RORB: variants seen among roughly 807,000 people sequenced by gnomAD.
RORB encodes the protein RAR related orphan receptor B.
Under a neutral mutation model 59.1 loss-of-function variants are expected in RORB, and 6 were observed. That is an observed-to-expected ratio of 0.10 (90% confidence interval 0.06 to 0.20). The LOEUF (loss-of-function observed/expected upper bound fraction) is 0.20, where lower values mean the gene tolerates loss of function less well. Ranked by LOEUF, RORB falls within the 10% of genes least tolerant of loss-of-function variation. The pLI is 1.00. For synonymous variants in RORB, 215 were observed against 204.5 expected, an observed-to-expected ratio of 1.05 and a Z score of -0.44; for missense variants, 320 against 560.5, an observed-to-expected ratio of 0.57 and a Z score of 4.33.
chr9:74,622,178 T>C (rs1386501386), intron 1 of RORB, among the ~76,000 whole-genome samples: 1 of 152,180 alleles, frequency 6.6e-6, no homozygotes, highest in Non-Finnish European at 1.5e-5. Context: ...TCAGTGAAGG[T>C]GATGCTGTGT....
At chr9:74,680,318 G>A (rs1249985526) in intron 9 of RORB, among the ~76,000 whole-genome samples, 3 of 152,162 alleles carry the variant, frequency 2.0e-5, no homozygotes, top group Non-Finnish European at 2.9e-5. Flanking sequence ...TGTCCCTGTA[G>A]GTATCTACTT....
chr9:74,547,129 TG>T (rs1563933797), intron 1 of RORB, among the ~76,000 whole-genome samples: 1 of 152,104 alleles, frequency 6.6e-6, no homozygotes, highest in Non-Finnish European at 1.5e-5. Flanking sequence ...TGGTTTTTTT[TG>T]TTATCAGAGG....
At chr9:74,584,811 G>C (rs1043659260) in intron 1 of RORB, among the ~76,000 whole-genome samples, 1 of 152,356 alleles carries the variant, frequency 6.6e-6, no homozygotes, top group East Asian at 1.9e-4. Flanking sequence ...AAGGGAGGCA[G>C]GAGCCACAGA....
chr9:74,592,492 G>A (rs1822914237), intron 1 of RORB, among the ~76,000 whole-genome samples: 1 of 152,126 alleles, frequency 6.6e-6, no homozygotes, highest in Non-Finnish European at 1.5e-5. Flanking sequence ...ACCACCCATT[G>A]CCTCGAAATA....
intron 1 of RORB, among the ~76,000 whole-genome samples, chr9:74,629,843 C>A (rs1823586621): frequency 6.6e-6 from 1 of 152,162 alleles, no homozygotes; most frequent in Admixed American, 6.5e-5. Flanking sequence ...TGCTCCCTCC[C>A]AGAGTTTTGC....
chr9:74,551,414 G>C (rs959524416), intron 1 of RORB, among the ~76,000 whole-genome samples: 10 of 152,190 alleles, frequency 6.6e-5, no homozygotes, highest in Middle Eastern at 3.2e-3. Flanking sequence ...CACCAGGTCA[G>C]CTACTAAGTG....
intron 1 of RORB, among the ~76,000 whole-genome samples, chr9:74,595,590 G>C (rs974274326): frequency 2.0e-5 from 3 of 152,306 alleles, no homozygotes; most frequent in African/African-American, 7.2e-5. Context: ...ATTTCAGGTG[G>C]AGCAATTGAA....
intron 1 of RORB, among the ~76,000 whole-genome samples, chr9:74,503,745 C>A (rs556749994): frequency 6.6e-6 from 1 of 152,000 alleles, no homozygotes; most frequent in South Asian, 2.1e-4. Flanking sequence ...CTTTGTAGCG[C>A]AAGACAAAGG....
At chr9:74,654,176 ACT>A (rs1423467752) in intron 4 of RORB, among the ~76,000 whole-genome samples, 2 of 151,938 alleles carry the variant, frequency 1.3e-5, no homozygotes, top group African/African-American at 2.4e-5. Flanking sequence ...ACCTTTTAAA[ACT>A]CTATTTACTT....
chr9:74,600,694 TAAC>T (rs1823041675), intron 1 of RORB, among the ~76,000 whole-genome samples: 1 of 152,212 alleles, frequency 6.6e-6, no homozygotes, highest in Admixed American at 6.5e-5. Context: ...GTTTTAGAGT[TAAC>T]AACATTAATA....
chr9:74,659,370 G>A (rs1046282835), intron 4 of RORB, among the ~76,000 whole-genome samples: 1 of 152,160 alleles, frequency 6.6e-6, no homozygotes. Context: ...ATTTGAAATG[G>A]CGCAACCTGA....
chr9:74,682,926 A>G (rs1214551528), intron 9 of RORB, among the ~76,000 whole-genome samples: 1 of 152,136 alleles, frequency 6.6e-6, no homozygotes, highest in Non-Finnish European at 1.5e-5. Context: ...TTGTAAATTT[A>G]TAAAATTTGA....
intron 1 of RORB, among the ~76,000 whole-genome samples, chr9:74,563,358 G>A (rs946745027): frequency 6.6e-6 from 1 of 151,794 alleles, no homozygotes; most frequent in Admixed American, 6.6e-5. Context: ...ACTAATTTTT[G>A]TATTTTTAGA....
At chr9:74,508,153 C>T (rs1328632148) in intron 1 of RORB, among the ~76,000 whole-genome samples, 1 of 151,892 alleles carries the variant, frequency 6.6e-6, no homozygotes, top group Non-Finnish European at 1.5e-5. Context: ...TGCATATATA[C>T]TTTCATTCTT....
At chr9:74,660,575 A>C (rs756057990) in intron 4 of RORB, 42 bp from the exon 5 acceptor site, 8 of 1,578,558 alleles carry the variant, frequency 5.1e-6, no homozygotes, top group Non-Finnish European at 6.9e-6. Flanking sequence ...TGAGCAGAGT[A>C]ATTTTATTCA....
chr9:74,506,072 T>A (rs1554663037), intron 1 of RORB, among the ~76,000 whole-genome samples: 1 of 151,948 alleles, frequency 6.6e-6, no homozygotes, highest in Non-Finnish European at 1.5e-5. Flanking sequence ...ATTTATTTTT[T>A]AAAAAAAGGA....
chr9:74,588,511 AT>A (rs1266539033), intron 1 of RORB, among the ~76,000 whole-genome samples: 1 of 152,206 alleles, frequency 6.6e-6, no homozygotes, highest in Non-Finnish European at 1.5e-5. Context: ...ATTGATGGAA[AT>A]AAGTCTACCT....
intron 1 of RORB, among the ~76,000 whole-genome samples, chr9:74,572,282 G>GA (rs946223131): frequency 2.6e-5 from 4 of 151,770 alleles, no homozygotes; most frequent in African/African-American, 7.3e-5. Context: ...GTACTGATAT[G>GA]AAAAAAAATA....
chr9:74,596,462 C>T (rs1448804324), intron 1 of RORB, among the ~76,000 whole-genome samples: 1 of 152,146 alleles, frequency 6.6e-6, no homozygotes, highest in Non-Finnish European at 1.5e-5. Flanking sequence ...TCGTGGCCTC[C>T]TTGTGAGACT....
Sources: allele counts gnomAD v4.1 joint callset (sites outside exome capture counted in the v4.1 genomes callset), GRCh38; gene constraint gnomAD v4.1.1; transcripts MANE v1.5; gene names NCBI Gene and HGNC (gene_info 2026-07-23, HGNC 2026-07-21).